PBX3: variants seen among roughly 807,000 people sequenced by gnomAD.
PBX3 encodes PBX homeobox 3, also known as pre-B-cell leukemia transcription factor 3.
PBX3 carries 14 observed loss-of-function variants against 48.5 expected under a neutral mutation model. That is an observed-to-expected ratio of 0.29 (90% CI 0.19 to 0.45). PBX3 has a LOEUF of 0.45. PBX3 is among the 20% of genes least tolerant of loss of function. PBX3 has a pLI of 1.00. For synonymous variants in PBX3, 210 were observed against 200.3 expected, an observed-to-expected ratio of 1.05 and a Z score of -0.41; for missense variants, 386 against 546.7, an observed-to-expected ratio of 0.71 and a Z score of 2.93.
chr9:125,940,220 G>A (rs908783187), intron 5 of PBX3, among the ~76,000 whole-genome samples: 4 of 151,970 alleles, frequency 2.6e-5, no homozygotes, highest in Non-Finnish European at 4.4e-5. Flanking sequence ...CCAATGAGAT[G>A]GGATCAAGAA....
chr9:125,807,348 AG>A (rs1838155864), intron 2 of PBX3, among the ~76,000 whole-genome samples: 1 of 145,396 alleles, frequency 6.9e-6, no homozygotes, highest in Non-Finnish European at 1.5e-5. Flanking sequence ...AAAAAAAAAA[AG>A]AAAATATTAA....
chr9:125,784,777 CTGTT>C (rs970585077), intron 2 of PBX3, among the ~76,000 whole-genome samples: 6 of 152,118 alleles, frequency 3.9e-5, no homozygotes, highest in African/African-American at 1.4e-4. Context: ...TGGATTGTCT[CTGTT>C]TGGGGACATT....
At chr9:125,864,606 T>G (rs1839936678) in intron 2 of PBX3, among the ~76,000 whole-genome samples, 1 of 152,172 alleles carries the variant, frequency 6.6e-6, no homozygotes, top group Non-Finnish European at 1.5e-5. Context: ...GGCATTAGAT[T>G]CTTGTAAGGA....
chr9:125,900,383 G>C (rs1460265060), intron 2 of PBX3, among the ~76,000 whole-genome samples: 1 of 151,506 alleles, frequency 6.6e-6, no homozygotes, highest in Non-Finnish European at 1.5e-5. Context: ...ATTTAATAAG[G>C]AGCTTTCAGT....
Position 125,921,080 on chromosome 9 carries a change from A to C in PBX3, c.516+5153A>C, listed in dbSNP as rs568157784. ...TATTTCTTCTTAATGGTTAAGCAGG[A>C]CAGACAAAAGGATACTACCTGATTT... On this transcript the variant is annotated intron_variant, in intron 3 of 8. Coordinates refer to ENST00000373489, the MANE Select transcript of PBX3 (RefSeq NM_006195.6). Among the ~76,000 whole-genome samples, 3 of 152,368 alleles carry C rather than the reference A, an allele frequency of 2.0e-5. No homozygotes were observed. In the East Asian group the frequency reaches 5.8e-4, roughly 29 times the overall value.
At chr9:125,962,889 A>T (rs1383340879) in intron 7 of PBX3, 123 bp from the exon 8 acceptor site, 1 of 457,386 alleles carries the variant, frequency 2.2e-6, no homozygotes, top group Non-Finnish European at 4.0e-6. Context: ...TTTGATTGAT[A>T]AATTTGTCTT....
At chr9:125,772,679 A>G (rs531544931) in intron 2 of PBX3, among the ~76,000 whole-genome samples, 88 of 152,350 alleles carry the variant, frequency 5.8e-4, no homozygotes, top group Non-Finnish European at 1.0e-3. Context: ...AGGTGAATGT[A>G]TGTACAGGAC....
chr9:125,900,126 G>A (rs570877953), intron 2 of PBX3, among the ~76,000 whole-genome samples: 3 of 151,422 alleles, frequency 2.0e-5, no homozygotes, highest in Admixed American at 6.6e-5. Context: ...ATAGTGACCC[G>A]ACATGATTTA....
intron 2 of PBX3, among the ~76,000 whole-genome samples, chr9:125,766,929 AATACAG>A (rs1191506753): frequency 2.5e-5 from 1 of 39,824 alleles, no homozygotes; most frequent in Non-Finnish European, 8.9e-5. Context: ...TTGGGAACAG[AATACAG>A]TAAGGTATCA....
intron 2 of PBX3, among the ~76,000 whole-genome samples, chr9:125,792,860 G>A (rs1174701737): frequency 5.3e-5 from 8 of 151,422 alleles, no homozygotes; most frequent in African/African-American, 1.2e-4. Flanking sequence ...CACCACGCCC[G>A]GCTAATTTTT....
intron 1 of PBX3, among the ~76,000 whole-genome samples, chr9:125,747,916 T>TCGC (rs2131935140): frequency 6.6e-6 from 1 of 151,344 alleles, no homozygotes; most frequent in South Asian, 2.1e-4. Flanking sequence ...GTCCTGCCCC[T>TCGC]CGCAGCCCGG....
At chr9:125,840,233 T>C (rs1839251284) in intron 2 of PBX3, among the ~76,000 whole-genome samples, 1 of 152,102 alleles carries the variant, frequency 6.6e-6, no homozygotes, top group South Asian at 2.1e-4. Flanking sequence ...AGGAGGAATT[T>C]TTTTCAGGAT....
chr9:125,804,307 T>A lies in PBX3; in HGVS notation c.274+55684T>A, dbSNP rs570451318. On this transcript the variant is annotated intron_variant, in intron 2 of 8. Transcript: ENST00000373489. ...TTTCAAAGTTGGAAGAAATCTTAAGTGTCACAATCCAGAGCTTTTCAAGGT... is the reference window on the plus strand; with the variant it reads ...TTTCAAAGTTGGAAGAAATCTTAAGAGTCACAATCCAGAGCTTTTCAAGGT... Among the ~76,000 whole-genome samples, 11 of 152,336 alleles carry A rather than the reference T, an allele frequency of 7.2e-5. No individual in the cohort carries two copies. In the East Asian group the frequency reaches 1.7e-3, roughly 24 times the overall value.
At chr9:125,942,815 A>C (rs1214702125) in intron 5 of PBX3, among the ~76,000 whole-genome samples, 1 of 152,232 alleles carries the variant, frequency 6.6e-6, no homozygotes, top group African/African-American at 2.4e-5. Flanking sequence ...AGAGAATAAA[A>C]GAGCAGGTTG....
At chr9:125,763,592 C>T (rs1836725950) in intron 2 of PBX3, among the ~76,000 whole-genome samples, 1 of 152,234 alleles carries the variant, frequency 6.6e-6, no homozygotes, top group Non-Finnish European at 1.5e-5. Flanking sequence ...ACGATTCACC[C>T]TGTCTCTGCT....
intron 2 of PBX3, among the ~76,000 whole-genome samples, chr9:125,770,116 G>A (rs963492590): frequency 4.6e-5 from 7 of 152,102 alleles, no homozygotes; most frequent in African/African-American, 1.7e-4. Context: ...TTTGGATGGT[G>A]GGGGGGATGT....
chr9:125,756,777 A>G (rs967564988), intron 2 of PBX3, among the ~76,000 whole-genome samples: 5 of 152,196 alleles, frequency 3.3e-5, no homozygotes, highest in African/African-American at 9.6e-5. Flanking sequence ...CTCCTGAGAC[A>G]AAAGTCCTGA....
intron 2 of PBX3, among the ~76,000 whole-genome samples, chr9:125,851,655 T>G (rs1839581522): frequency 6.6e-6 from 1 of 152,136 alleles, no homozygotes; most frequent in Non-Finnish European, 1.5e-5. Context: ...TATGTTTCTT[T>G]GCAGTTTACT....
chr9:125,915,931 A>G lies in PBX3; in HGVS notation c.516+4A>G. On this transcript the variant is annotated splice_donor_region_variant and intron_variant, in intron 3 of 8. Coordinates refer to ENST00000373489, the MANE Select transcript of PBX3 (RefSeq NM_006195.6). ...AGAACTGGAGAAATATGAACAGGTC[A>G]GCAGCCGCCACTCTCATAGTCCTAC... The G allele has an allele frequency of 6.2e-7, 1 of 1,611,474 alleles. No homozygotes were observed. The highest frequency in any genetic ancestry group is 8.5e-7 in the Non-Finnish European group (1 of 1,179,194).
Sources: gnomAD v4.1 joint callset for allele counts (sites outside exome capture counted in the v4.1 genomes callset) on GRCh38, gnomAD v4.1.1 for gene constraint, MANE v1.5 for transcripts, NCBI Gene and HGNC (gene_info 2026-07-23, HGNC 2026-07-21) for gene names.